Variants in ADAMTS3 observed in about 807,000 individuals in gnomAD.
The protein encoded by ADAMTS3 is ADAM metallopeptidase with thrombospondin type 1 motif 3.
In ADAMTS3, 73 loss-of-function variants were observed where a neutral mutation model predicts 129.0. The observed-to-expected ratio is 0.57, with a 90% CI of 0.47 to 0.69. ADAMTS3 has a LOEUF of 0.69. ADAMTS3 is among the 30% of genes least tolerant of loss of function. The pLI, the probability that ADAMTS3 is intolerant of heterozygous loss-of-function variation, is 0.00. For missense variants in ADAMTS3, 1,457 were observed against 1,514.5 expected (o/e 0.96, Z 0.63); for synonymous variants, 477 against 510.8 (o/e 0.93, Z 0.89).
intron 4 of ADAMTS3, among the ~76,000 whole-genome samples, chr4:72,389,668 T>A (rs2109891050): frequency 6.6e-6 from 1 of 152,192 alleles, no homozygotes; most frequent in Middle Eastern, 3.4e-3. Context: ...TTTTGTAAGG[T>A]CCACCAGCGT....
intron 3 of ADAMTS3, among the ~76,000 whole-genome samples, chr4:72,473,547 C>T (rs545325832): frequency 6.6e-6 from 1 of 150,718 alleles, no homozygotes; most frequent in South Asian, 2.1e-4. Flanking sequence ...AAGCCAAACA[C>T]CACAGAAAAA....
chr4:72,550,026 A>T (rs1379121888), intron 2 of ADAMTS3, among the ~76,000 whole-genome samples: 1 of 3,662 alleles, frequency 2.7e-4, no homozygotes, highest in Non-Finnish European at 7.3e-4. Context: ...GAAGAAGAAG[A>T]AGAAGAAGAA....
At chr4:72,399,816 T>C (rs1721839816) in intron 4 of ADAMTS3, among the ~76,000 whole-genome samples, 1 of 141,656 alleles carries the variant, frequency 7.1e-6, no homozygotes, top group African/African-American at 2.7e-5. Context: ...ACACACACGG[T>C]GTGTATATAC....
At chr4:72,478,784 C>G in intron 3 of ADAMTS3, among the ~76,000 whole-genome samples, 1 of 152,022 alleles carries the variant, frequency 6.6e-6, no homozygotes, top group East Asian at 1.9e-4. Flanking sequence ...GATTCTATAT[C>G]TAGAAAACCC....
intron 4 of ADAMTS3, among the ~76,000 whole-genome samples, chr4:72,353,278 C>T (rs1187282088): frequency 6.6e-6 from 1 of 151,964 alleles, no homozygotes; most frequent in African/African-American, 2.4e-5. Flanking sequence ...GGGTGCACTC[C>T]TGCAGAAGTT....
chr4:72,550,007 G>A (rs1355199451), intron 2 of ADAMTS3, among the ~76,000 whole-genome samples: 6 of 2,172 alleles, frequency 2.8e-3, no homozygotes, highest in Non-Finnish European at 4.7e-3. Flanking sequence ...AGAGGAAGAA[G>A]AAGAAGAAGA....
intron 3 of ADAMTS3, among the ~76,000 whole-genome samples, chr4:72,524,145 T>C (rs769664540): frequency 2.6e-5 from 4 of 152,158 alleles, no homozygotes; most frequent in Non-Finnish European, 5.9e-5. Flanking sequence ...TTAGCTGGCA[T>C]TGTGCTGACA....
rs369565474 is a variant in ADAMTS3 at position 72,378,133 on chromosome 4, G to T, written c.661+36682C>A. Among the ~76,000 whole-genome samples the T allele has an allele frequency of 4.7e-4, 71 of 152,218 alleles. 2 individuals carry two copies. In the South Asian group the frequency reaches 0.014, roughly 31 times the overall value. Reference sequence around the variant, plus strand: ...TTATAAAATTTCAACCACGTGAAAAGACATGTTTCTTGCTAAAATTCCTTC... The same window carrying T: ...TTATAAAATTTCAACCACGTGAAAATACATGTTTCTTGCTAAAATTCCTTC... On this transcript the variant is annotated intron_variant, in intron 4 of 21. Coordinates refer to ENST00000286657, the MANE Select transcript of ADAMTS3 (RefSeq NM_014243.3).
At chr4:72,528,634 C>T (rs1720878219) in intron 3 of ADAMTS3, among the ~76,000 whole-genome samples, 1 of 150,514 alleles carries the variant, frequency 6.6e-6, no homozygotes, top group African/African-American at 2.4e-5. Flanking sequence ...AGCATAAAAA[C>T]ACTACTCAGG....
At chr4:72,564,564 T>C (rs77387126) in intron 2 of ADAMTS3, among the ~76,000 whole-genome samples, 5 of 152,286 alleles carry the variant, frequency 3.3e-5, no homozygotes, top group African/African-American at 1.2e-4. Flanking sequence ...AGGCAGTTCC[T>C]ATCTGGTTGA....
In ADAMTS3 at chr4:72,319,489, A is replaced by G. The variant is rs1719495358; in HGVS notation, c.1209-14T>C. The G allele has an allele frequency of 6.2e-7, 1 of 1,604,516 alleles. No homozygotes were observed. Among genetic ancestry groups the G allele is most frequent in the African/African-American group, 1.3e-5 (1 of 74,278 alleles). ...TCCATTCCCAACCTAGAACACAAAG[A>G]GACCTCAGTGGTAAGAATCAGGGGC... On this transcript the variant is annotated splice_polypyrimidine_tract_variant and intron_variant, in intron 8 of 21. Coordinates refer to ENST00000286657, the MANE Select transcript of ADAMTS3 (RefSeq NM_014243.3).
At chr4:72,342,893 T>C (rs1720175817) in intron 4 of ADAMTS3, among the ~76,000 whole-genome samples, 1 of 152,126 alleles carries the variant, frequency 6.6e-6, no homozygotes, top group African/African-American at 2.4e-5. Context: ...GACCCAAGGT[T>C]TGTCATCTTG....
At chr4:72,430,171 C>T (rs936226658) in intron 3 of ADAMTS3, among the ~76,000 whole-genome samples, 2 of 151,870 alleles carry the variant, frequency 1.3e-5, no homozygotes, top group African/African-American at 2.4e-5. Context: ...GACCTTGGCA[C>T]TCCCTCATCA....
At chr4:72,396,636 T>C (rs1179961386) in intron 4 of ADAMTS3, among the ~76,000 whole-genome samples, 1 of 152,170 alleles carries the variant, frequency 6.6e-6, no homozygotes, top group Non-Finnish European at 1.5e-5. Context: ...AGGCATCATA[T>C]GCTCTCTTTT....
Position 72,339,551 on chromosome 4 carries a change from C to T in ADAMTS3, c.804G>A (p.Val268=), listed in dbSNP as rs1720078650. ...CGTGCTCTTTGCCATGGAAACGGACCACAGAGTCATCCACTCCCAGCAGTA... is the reference window on the plus strand; with the variant it reads ...CGTGCTCTTTGCCATGGAAACGGACTACAGAGTCATCCACTCCCAGCAGTA... The part of the protein sequence containing the change: ...IEVLLGVDDS[V]VRFHGKEHVQ... Residue 268 remains valine (V), a synonymous_variant, in exon 5 of 22, where the codon GTG becomes GTA. Coordinates refer to ENST00000286657, the MANE Select transcript of ADAMTS3 (RefSeq NM_014243.3). 1 of 1,613,806 alleles carries T rather than the reference C, an allele frequency of 6.2e-7. No individual in the cohort carries two copies. Among genetic ancestry groups the T allele is most frequent in the African/African-American group, 1.3e-5 (1 of 74,876 alleles).
intron 3 of ADAMTS3, among the ~76,000 whole-genome samples, chr4:72,516,916 G>C (rs933453242): frequency 4.6e-5 from 7 of 152,156 alleles, no homozygotes; most frequent in Non-Finnish European, 8.8e-5. Flanking sequence ...TCTTGTGCCA[G>C]TTTTCAAAGG....
chr4:72,568,627 A>G (rs534553510), intron 1 of ADAMTS3, 67 bp downstream of exon 1: 20 of 1,218,932 alleles, frequency 1.6e-5, no homozygotes, highest in Non-Finnish European at 2.2e-5. Flanking sequence ...GAGGGTAGAG[A>G]GGGGAGGAAC....
chr4:72,564,400 C>T (rs969478523), intron 2 of ADAMTS3, among the ~76,000 whole-genome samples: 1 of 152,130 alleles, frequency 6.6e-6, no homozygotes, highest in African/African-American at 2.4e-5. Context: ...AGGCATCCTA[C>T]CAAGGCAATA....
chr4:72,332,961 G>A (rs1214318240), intron 5 of ADAMTS3, among the ~76,000 whole-genome samples: 1 of 152,092 alleles, frequency 6.6e-6, no homozygotes, highest in African/African-American at 2.4e-5. Flanking sequence ...GTGAAGTTTG[G>A]GGAGGAAGAG....
Sources: allele counts gnomAD v4.1 joint callset (sites outside exome capture counted in the v4.1 genomes callset), GRCh38; gene constraint gnomAD v4.1.1; transcripts MANE v1.5; gene names NCBI Gene and HGNC (gene_info 2026-07-23, HGNC 2026-07-21).